Variants in DGKB observed in about 807,000 individuals in gnomAD.
The protein encoded by DGKB is 90 kDa diacylglycerol kinase.
In DGKB, 67 loss-of-function variants were observed where a neutral mutation model predicts 114.3. The observed-to-expected ratio is 0.59, with a 90% CI of 0.48 to 0.72. The LOEUF (loss-of-function observed/expected upper bound fraction) is 0.72. DGKB is among the 30% of genes least tolerant of loss of function. The pLI is 0.00. For synonymous variants in DGKB, 398 were observed against 323.1 expected (o/e 1.23, Z -2.49); for missense variants, 907 against 975.2 (o/e 0.93, Z 0.93).
In DGKB at chr7:14,841,257, T is replaced by C; in HGVS notation, c.7A>G (p.Asn3Asp). MT[N>D]QEKWAHLSPS... ...CTGAGGTGGGCCCATTTTTCCTGGT[T>C]TGTCATGGTGGTGGTGAGAAGCTCT... Residue 3 changes from asparagine (N) to aspartate (D), a missense_variant, in exon 2 of 26, where the codon AAC becomes GAC. Asn to Asp is a conservative substitution (Grantham distance 23, BLOSUM62 1). Coordinates refer to ENST00000402815, the MANE Select transcript of DGKB (RefSeq NM_001350709.2). 9 of 1,613,666 alleles carry C rather than the reference T, an allele frequency of 5.6e-6. No individual in the cohort carries two copies. The highest frequency in any genetic ancestry group is 7.6e-6 in the Non-Finnish European group (9 of 1,179,750).
In DGKB at chr7:14,682,806, G is replaced by C; in HGVS notation, c.865C>G (p.Arg289Gly). The C allele has an allele frequency of 6.2e-7, 1 of 1,603,240 alleles. No individual in the cohort carries two copies. Among genetic ancestry groups the C allele is most frequent in the Non-Finnish European group, 8.5e-7 (1 of 1,174,430 alleles). Reference sequence around the variant, plus strand: ...GTCTTGATGCAAGAGGGAGGTGCTCGAGCCACACAGCGCTCATGGACTGTG... The same window carrying C: ...GTCTTGATGCAAGAGGGAGGTGCTCCAGCCACACAGCGCTCATGGACTGTG... ...KYTVHERCVA[R>G]APPSCIKTYV... is the part of the protein sequence containing the mutation. The change falls in exon 11 of 26, where the codon CGA (arginine) becomes GGA (glycine). Residue 289 changes from arginine (R) to glycine (G), a missense_variant. Around this residue, in one of 3 missense-constraint regions of DGKB, gnomAD observed 814 missense variants for 856.6 expected, o/e 0.95. Transcript: ENST00000402815.
rs191009207 is a variant in DGKB, at chr7:14,854,061, T to G, written c.-187-12611A>C. On this transcript the variant is annotated intron_variant, in intron 1 of 25. Transcript: ENST00000402815. ...TTCATTATCTGCGGTAAGATCAACA[T>G]ACTGTTTCCAAAAGTCTATCTGCAT... Among the ~76,000 whole-genome samples, 10 of 152,230 alleles carry G rather than the reference T, an allele frequency of 6.6e-5. 1 individual carries two copies. The East Asian group carries it at 1.7e-3, about 27-fold the overall frequency.
intron 2 of DGKB, among the ~76,000 whole-genome samples, chr7:14,781,396 A>G (rs1187980430): frequency 1.3e-5 from 2 of 152,146 alleles, no homozygotes; most frequent in Non-Finnish European, 2.9e-5. Flanking sequence ...CTACACATCC[A>G]ACATCTTTGA....
chr7:14,448,817 G>T (rs987103119), intron 21 of DGKB, among the ~76,000 whole-genome samples: 2 of 152,032 alleles, frequency 1.3e-5, no homozygotes, highest in Non-Finnish European at 2.9e-5. Context: ...CAAATTCTGT[G>T]TTATTAACTA....
At chr7:14,432,251 A>T (rs1828557583) in intron 21 of DGKB, among the ~76,000 whole-genome samples, 1 of 152,142 alleles carries the variant, frequency 6.6e-6, no homozygotes, top group Admixed American at 6.6e-5. Context: ...TTGCCCTATC[A>T]TCGCTATAAA....
intron 20 of DGKB, among the ~76,000 whole-genome samples, chr7:14,511,304 T>G (rs1165955910): frequency 6.6e-6 from 1 of 152,232 alleles, no homozygotes; most frequent in African/African-American, 2.4e-5. Context: ...TCTGGATAAC[T>G]TGCTGCAGCT....
chr7:14,763,732 A>C (rs1176545430), intron 2 of DGKB, among the ~76,000 whole-genome samples: 1 of 152,096 alleles, frequency 6.6e-6, no homozygotes. Flanking sequence ...CCTAAATAGT[A>C]GTCATAGCTG....
chr7:14,486,406 C>T (rs185153648), intron 20 of DGKB, among the ~76,000 whole-genome samples: 4 of 152,282 alleles, frequency 2.6e-5, no homozygotes, highest in East Asian at 1.9e-4. Flanking sequence ...GTAAAACACT[C>T]GTATGTCCAA....
At chr7:14,972,043 A>AC (rs1205814366) in intron 1 of DGKB, among the ~76,000 whole-genome samples, 1 of 152,052 alleles carries the variant, frequency 6.6e-6, no homozygotes, top group East Asian at 1.9e-4. Flanking sequence ...GCCATGCCTG[A>AC]CCTATTGAAG....
intron 25 of DGKB, among the ~76,000 whole-genome samples, chr7:14,170,258 G>A (rs529702410): frequency 5.3e-5 from 8 of 152,180 alleles, no homozygotes; most frequent in African/African-American, 1.9e-4. Context: ...TCATAATTAA[G>A]AGATTAAAAC....
At chr7:14,694,000 A>G (rs961818075) in intron 9 of DGKB, 75 bp downstream of exon 9, 34 of 1,500,406 alleles carry the variant, frequency 2.3e-5, no homozygotes, top group Non-Finnish European at 2.9e-5. Context: ...GGTCACATCA[A>G]TCTGTAATCA....
rs373243525 is a variant in DGKB at position 14,924,879 on chromosome 7, C to T, written c.-188+49817G>A. 9.9e-5 allele frequency among the ~76,000 whole-genome samples: 15 copies of T among 152,180 alleles called. No homozygotes were observed. In the East Asian group the frequency reaches 2.9e-3, roughly 29 times the overall value. Reference sequence around the variant, plus strand: ...CATTTATATATACTTACGGGGATTCCTCAGGTTGCCTTTTGATAATCACAT... The same window carrying T: ...CATTTATATATACTTACGGGGATTCTTCAGGTTGCCTTTTGATAATCACAT... On this transcript the variant is annotated intron_variant, in intron 1 of 4. Coordinates refer to the DGKB transcript ENST00000437998.
At chr7:14,756,795 A>C (rs1834934539) in intron 3 of DGKB, among the ~76,000 whole-genome samples, 1 of 152,034 alleles carries the variant, frequency 6.6e-6, no homozygotes, top group African/African-American at 2.4e-5. Flanking sequence ...GTCAGCAAAC[A>C]AATCTATCTA....
chr7:14,186,579 A>G (rs894641178), intron 23 of DGKB, among the ~76,000 whole-genome samples: 23 of 152,240 alleles, frequency 1.5e-4, no homozygotes, highest in African/African-American at 4.8e-4. Flanking sequence ...GCATGTTTAT[A>G]GCAGCACAAT....
At chr7:14,150,590 C>A (rs1348775354) in intron 25 of DGKB, among the ~76,000 whole-genome samples, 1 of 152,086 alleles carries the variant, frequency 6.6e-6, no homozygotes, top group Non-Finnish European at 1.5e-5. Context: ...AAATAAATTG[C>A]ACCTGTAAAA....
chr7:14,849,435 C>T (rs942492408), intron 1 of DGKB, among the ~76,000 whole-genome samples: 1 of 152,096 alleles, frequency 6.6e-6, no homozygotes, highest in Non-Finnish European at 1.5e-5. Flanking sequence ...TATAAAAGGG[C>T]AAGTTCAGCC....
chr7:14,174,728 C>T (rs1781475550), intron 25 of DGKB, among the ~76,000 whole-genome samples: 1 of 152,148 alleles, frequency 6.6e-6, no homozygotes, highest in Non-Finnish European at 1.5e-5. Flanking sequence ...ACCCCCACCA[C>T]CATCATAACC....
At chr7:14,209,918 A>T (rs1787485823) in intron 23 of DGKB, among the ~76,000 whole-genome samples, 1 of 151,350 alleles carries the variant, frequency 6.6e-6, no homozygotes, top group African/African-American at 2.4e-5. Flanking sequence ...AATGTTGAGC[A>T]TTCATTGAAA....
chr7:14,457,974 T>C (rs899531496), intron 21 of DGKB, among the ~76,000 whole-genome samples: 14 of 152,228 alleles, frequency 9.2e-5, no homozygotes, highest in Admixed American at 7.2e-4. Flanking sequence ...CAGTGTTCTC[T>C]GGATTGCGGG....
Sources: allele counts gnomAD v4.1 joint callset (sites outside exome capture counted in the v4.1 genomes callset), GRCh38; gene constraint gnomAD v4.1.1; regional missense constraint gnomAD v4.1.1; transcripts MANE v1.5; gene names NCBI Gene and HGNC (gene_info 2026-07-23, HGNC 2026-07-21).